SLC4A4: variants seen among roughly 807,000 people sequenced by gnomAD.
SLC4A4 encodes solute carrier family 4 member 4, also known as electrogenic sodium bicarbonate cotransporter 1.
A neutral mutation model predicts 111.5 loss-of-function variants in SLC4A4; 27 were observed. The observed-to-expected ratio is 0.24, with a 90% confidence interval of 0.18 to 0.33. SLC4A4 has a LOEUF of 0.33. Ranked by LOEUF, SLC4A4 falls within the 10% of genes least tolerant of loss-of-function variation. The pLI, the probability that SLC4A4 is intolerant of heterozygous loss-of-function variation, is 1.00. For missense variants in SLC4A4, 909 were observed against 1,315.5 expected (o/e 0.69, Z 4.78); for synonymous variants, 443 against 463.4 (o/e 0.96, Z 0.57).
intron 2 of SLC4A4, among the ~76,000 whole-genome samples, chr4:71,245,225 T>C (rs989991565): frequency 2.6e-5 from 4 of 152,060 alleles, no homozygotes; most frequent in Admixed American, 6.6e-5. Context: ...TAACTCAAGG[T>C]CTTTTATGTT....
At chr4:71,318,391 A>G (rs941243641) in intron 3 of SLC4A4, among the ~76,000 whole-genome samples, 2 of 152,130 alleles carry the variant, frequency 1.3e-5, no homozygotes, top group African/African-American at 4.8e-5. Context: ...CCATGCAGAC[A>G]TTTCAGAACA....
intron 16 of SLC4A4, among the ~76,000 whole-genome samples, chr4:71,498,861 T>A (rs4285055): frequency 0.95 from 145,104 of 152,128 alleles, 69,580 homozygotes; most frequent in East Asian, 1. Flanking sequence ...AAAAACACAC[T>A]CTCTCTCTCT....
chr4:71,103,302 A>G (rs1387188146), intron 2 of SLC4A4, among the ~76,000 whole-genome samples: 1 of 152,046 alleles, frequency 6.6e-6, no homozygotes, highest in Admixed American at 6.6e-5. Flanking sequence ...AGAGACTTAG[A>G]CTCCCGCACA....
Position 71,546,558 on chromosome 4 carries a change from G to A in SLC4A4, c.2621+30G>A, listed in dbSNP as rs376599162. The stretch of plus-strand genomic sequence containing the variant: ...GTTAACTCAGAGGAAAATGGCTCCC[G>A]AAAACACACTGTGCACACATCTATG... On this transcript the variant is annotated intron_variant, in intron 19 of 25. Coordinates refer to ENST00000264485, the MANE Select transcript of SLC4A4 (RefSeq NM_001098484.3). The A allele has an allele frequency of 1.4e-4, 223 of 1,589,730 alleles. 1 individual carries two copies. The African/African-American group carries it at 2.3e-3, about 17-fold the overall frequency.
In SLC4A4 at chr4:71,255,227, T is replaced by C. The variant is rs1196254008; in HGVS notation, c.81T>C (p.His27=). The change falls in exon 3 of 26, where the codon CAT becomes CAC. Residue 27 remains histidine (H), a synonymous_variant. Transcript: ENST00000264485. ...TTTGTGTACCTTCCTTAGGCCACCA[T>C]ACCATTTACATCGGAGTCCATGTGC... ...VCDEEEVEGH[H]TIYIGVHVPK... 2 of 1,613,162 alleles carry C rather than the reference T, an allele frequency of 1.2e-6. No individual in the cohort carries two copies. Among genetic ancestry groups the C allele is most frequent in the African/African-American group, 2.7e-5 (2 of 74,868 alleles).
At chr4:71,183,413 C>A (rs1203125507), upstream of SLC4A4, among the ~76,000 whole-genome samples, 1 of 152,190 alleles carries the variant, frequency 6.6e-6, no homozygotes, top group Non-Finnish European at 1.5e-5. Context: ...ATTCTCTCCT[C>A]ATAAAAAGGG....
intron 3 of SLC4A4, among the ~76,000 whole-genome samples, chr4:71,286,679 G>A (rs1723943682): frequency 6.6e-6 from 1 of 152,140 alleles, no homozygotes; most frequent in Admixed American, 6.5e-5. Flanking sequence ...GTTTGTCTCT[G>A]TTGATCTTTA....
intron 1 of SLC4A4, among the ~76,000 whole-genome samples, chr4:71,215,147 G>A (rs556006417): frequency 6.6e-6 from 1 of 152,152 alleles, no homozygotes; most frequent in East Asian, 1.9e-4. Flanking sequence ...ACAAATGTTG[G>A]ATCACAAATG....
intron 1 of SLC4A4, among the ~76,000 whole-genome samples, chr4:71,222,531 G>C (rs556719861): frequency 6.6e-6 from 1 of 152,072 alleles, no homozygotes; most frequent in Non-Finnish European, 1.5e-5. Flanking sequence ...TTCATCCTTC[G>C]TGCCTAGAAT....
At chr4:71,186,969 T>A (rs77866273), upstream of SLC4A4, 3 of 152,478 alleles carry the variant, frequency 2.0e-5, no homozygotes, top group Admixed American at 2.0e-4. Flanking sequence ...CCACACAGGC[T>A]GTGTAGACAT....
At chr4:71,088,566 T>C (rs1355217037) in intron 1 of SLC4A4, among the ~76,000 whole-genome samples, 3 of 152,116 alleles carry the variant, frequency 2.0e-5, no homozygotes, top group Admixed American at 6.5e-5. Flanking sequence ...CCATGTTTAG[T>C]GCTTCCTTCA....
chr4:71,182,365 C>G (rs1363179649), upstream of SLC4A4, among the ~76,000 whole-genome samples: 10 of 152,118 alleles, frequency 6.6e-5, no homozygotes, highest in Non-Finnish European at 8.8e-5. Flanking sequence ...AGACATGAGT[C>G]TGGTAGATGG....
intron 6 of SLC4A4, among the ~76,000 whole-genome samples, chr4:71,381,441 A>G (rs1445092522): frequency 1.3e-5 from 2 of 152,142 alleles, no homozygotes; most frequent in Non-Finnish European, 2.9e-5. Context: ...ATTTGTTATT[A>G]TTATAATAAT....
At chr4:71,563,703 G>A in intron 23 of SLC4A4, 90 bp from the exon 24 acceptor site, 1 of 846,488 alleles carries the variant, frequency 1.2e-6, no homozygotes, top group Non-Finnish European at 2.0e-6. Flanking sequence ...GTATGTAAAT[G>A]ATTATAGAAA....
rs759756657 is a variant in SLC4A4, at chr4:71,106,925, A to AAAATAAATAAATAAAT, written c.-2+14140_-2+14155dup. ...GTACCCTAAAACTTAAAGTATAATA[A>AAAATAAATAAATAAAT]AAATAAATAAATAAATAAATAATAA... On this transcript the variant is annotated intron_variant, in intron 2 of 26. Coordinates refer to the SLC4A4 transcript ENST00000649996. Among the ~76,000 whole-genome samples the AAAATAAATAAATAAAT allele has an allele frequency of 1.9e-3, 288 of 150,984 alleles. 2 individuals are homozygous for AAAATAAATAAATAAAT. Among genetic ancestry groups the AAAATAAATAAATAAAT allele is most frequent in the African/African-American group, 6.5e-3 (264 of 40,920 alleles).
intron 16 of SLC4A4, among the ~76,000 whole-genome samples, chr4:71,521,370 C>A (rs1467859822): frequency 6.6e-6 from 1 of 152,096 alleles, no homozygotes; most frequent in East Asian, 1.9e-4. Context: ...GCTGGAACTA[C>A]AGTCACACTC....
chr4:71,525,601 A>C (rs1276298613), intron 16 of SLC4A4, among the ~76,000 whole-genome samples: 1 of 152,150 alleles, frequency 6.6e-6, no homozygotes, highest in Non-Finnish European at 1.5e-5. Context: ...GGAGAGACTT[A>C]ACATTTGATT....
intron 1 of SLC4A4, among the ~76,000 whole-genome samples, chr4:71,091,238 G>T (rs746250232): frequency 6.7e-6 from 1 of 149,254 alleles, no homozygotes; most frequent in Non-Finnish European, 1.5e-5. Flanking sequence ...GTGAGCCACT[G>T]TGCCTGGCCT....
At chr4:71,139,545 G>C (rs1479099574) in intron 2 of SLC4A4, among the ~76,000 whole-genome samples, 1 of 152,156 alleles carries the variant, frequency 6.6e-6, no homozygotes, top group Non-Finnish European at 1.5e-5. Context: ...TTGATGATAA[G>C]CCCTGCCCAT....
Sources: gnomAD v4.1 joint callset for allele counts (sites outside exome capture counted in the v4.1 genomes callset) on GRCh38, gnomAD v4.1.1 for gene constraint, MANE v1.5 for transcripts, NCBI Gene and HGNC (gene_info 2026-07-23, HGNC 2026-07-21) for gene names.